Variants in ANXA8L1 observed in about 807,000 individuals in gnomAD.
ANXA8L1 encodes the protein annexin A8-like protein 1.
A neutral mutation model predicts 22.5 loss-of-function variants in ANXA8L1; 10 were observed. That is an observed-to-expected ratio of 0.44 (90% CI 0.27 to 0.75). The LOEUF is 0.75. Ranked by LOEUF, ANXA8L1 falls within the 30% of genes least tolerant of loss-of-function variation. The pLI is 0.15. For synonymous variants in ANXA8L1, 36 were observed against 86.0 expected (o/e 0.42, Z 3.22); for missense variants, 88 against 219.6 (o/e 0.40, Z 3.79).
rs1282507414 is a variant in ANXA8L1, at chr10:46,390,014, G to GA, written c.925-854dup. Among the ~76,000 whole-genome samples the GA allele has an allele frequency of 1.2e-4, 18 of 151,176 alleles. 1 individual carries two copies. Among genetic ancestry groups the GA allele is most frequent in the African/African-American group, 4.4e-4 (18 of 40,832 alleles). On this transcript the variant is annotated intron_variant, in intron 11 of 11. Transcript: ENST00000619162. Reference sequence around the variant, plus strand: ...GAGACCTAAACTGGTCCAGAGTGTGGAAAGTGGGTCTAGCCCCAGTCTACC... The same window carrying GA: ...GAGACCTAAACTGGTCCAGAGTGTGGAAAAGTGGGTCTAGCCCCAGTCTACC...
chr10:46,389,831 A>G (rs1402039297), intron 11 of ANXA8L1, among the ~76,000 whole-genome samples: 1 of 151,552 alleles, frequency 6.6e-6, no homozygotes, highest in Non-Finnish European at 1.5e-5. Context: ...GCCGTGAGCT[A>G]GGACTGCATC....
At position 46,381,384 on chromosome 10, in the gene ANXA8L1, A is replaced by C. The variant is rs1588895602; in HGVS notation, c.207+144A>C. 11 of 996,918 alleles carry C rather than the reference A, an allele frequency of 1.1e-5. 1 individual carries two copies. In the East Asian group the frequency reaches 2.7e-4, roughly 24 times the overall value. The allele number at this position is 996,918 out of a possible 1,614,324, so 61.8% of individuals were successfully genotyped here. A position where few individuals can be genotyped will look rare whatever the true frequency, so the allele number is the denominator to read the frequency against. The stretch of plus-strand genomic sequence containing the variant: ...ACATGGAACCTGTTTGCATGAAAAC[A>C]ATTGTTCTTTATTGAAATTCAAATG... On this transcript the variant is annotated intron_variant, in intron 3 of 11. Transcript: ENST00000619162.
Position 46,385,407 on chromosome 10 carries a change from C to T in ANXA8L1, c.580C>T (p.Arg194Cys), listed in dbSNP as rs1840025056. Residue 194 changes from arginine (R) to cysteine (C), a missense_variant, in exon 8 of 12, where the codon CGT becomes TGT. Transcript: ENST00000619162. Reference protein sequence around the residue: ...QDLYAAGEKIRGTDEMKFITI... With the variant: ...QDLYAAGEKICGTDEMKFITI... ...TCTGTATGCGGCAGGCGAGAAGATT[C>T]GTGGGACTGATGAGATGAAATTCAT... is the stretch of plus-strand genomic sequence containing the variant. 1.5e-5 allele frequency: 17 copies of T among 1,111,628 alleles called. 2 individuals carry two copies. The highest frequency in any genetic ancestry group is 3.0e-4 in the Middle Eastern group (1 of 3,374). 68.9% of individuals were successfully genotyped at this position (1,111,628 alleles called of 1,614,324 possible).
At chr10:46,389,341 C>T (rs1470179987) in intron 11 of ANXA8L1, among the ~76,000 whole-genome samples, 3 of 124,558 alleles carry the variant, frequency 2.4e-5, no homozygotes, top group African/African-American at 9.8e-5. Flanking sequence ...GAGGGCAAGG[C>T]ACACACCAGC....
chr10:46,376,300 G>A (rs1839928419), intron 1 of ANXA8L1, among the ~76,000 whole-genome samples: 3 of 146,134 alleles, frequency 2.1e-5, no homozygotes, highest in African/African-American at 5.1e-5. Context: ...AGGGTCAGAG[G>A]GCGGGGAGCT....
intron 1 of ANXA8L1, among the ~76,000 whole-genome samples, chr10:46,377,784 G>C (rs1271984265): frequency 8.4e-5 from 10 of 118,746 alleles, no homozygotes; most frequent in African/African-American, 2.8e-4. Flanking sequence ...CATCTCCCAG[G>C]CCTCTGGGCA....
intron 2 of ANXA8L1, 59 bp from the exon 3 acceptor site, chr10:46,381,087 C>G: frequency 2.2e-6 from 1 of 450,734 alleles, no homozygotes. Context: ...TCCCCTCCTC[C>G]GCCCTCACCA....
Position 46,385,818 on chromosome 10 carries a change from A to G in ANXA8L1, c.742+11A>G. 3.4e-6 allele frequency: 1 copy of G among 293,688 alleles called. No individual in the cohort carries two copies. The highest frequency in any genetic ancestry group is 1.3e-4 in the African/African-American group (1 of 7,946). The allele number at this position is 293,688 out of a possible 1,614,324, so 18.2% of individuals were successfully genotyped here. A position where few individuals can be genotyped will look rare whatever the true frequency, so the allele number is the denominator to read the frequency against. On this transcript the variant is annotated intron_variant, in intron 9 of 11. Transcript: ENST00000619162. ...CCATGCTCACTGTGGGTAAGAGCTC[A>G]GACTTGCACGTTTTTCAGGCCACAG...
In ANXA8L1 at chr10:46,383,546, G is replaced by A; in HGVS notation, c.412G>A (p.Asp138Asn). ...LREIMKAYEEDYGSSLEEDIQ... is the reference protein window; with the variant it reads ...LREIMKAYEENYGSSLEEDIQ... ...GGAGATAATGAAGGCGTATGAGGAA[G>A]GTAAGGGGTGGCACAGATGGAGGGG... The change falls in exon 5 of 12, where the codon GAC becomes AAC. Residue 138 changes from aspartate to asparagine, a missense_variant and splice_region_variant. Physicochemically the swap from Asp to Asn is conservative, Grantham distance 23 (BLOSUM62 1). Coordinates refer to ENST00000619162, the MANE Select transcript of ANXA8L1 (RefSeq NM_001098845.3). 1 of 731,842 alleles carries A rather than the reference G, an allele frequency of 1.4e-6. No individual in the cohort carries two copies. Among genetic ancestry groups the A allele is most frequent in the East Asian group, 2.9e-5 (1 of 34,820 alleles). The allele number at this position is 731,842 out of a possible 1,614,324, so 45.3% of individuals were successfully genotyped here.
At chr10:46,377,560 G>T (rs1839943672) in intron 1 of ANXA8L1, among the ~76,000 whole-genome samples, 2 of 119,244 alleles carry the variant, frequency 1.7e-5, no homozygotes, top group Non-Finnish European at 3.5e-5. Flanking sequence ...CCATGTGAGA[G>T]CTGGCTCGGG....
chr10:46,381,336 G>T lies in ANXA8L1; in HGVS notation c.207+96G>T, dbSNP rs1839981142. 6 of 903,342 alleles carry T rather than the reference G, an allele frequency of 6.6e-6. 1 individual carries two copies. The highest frequency in any genetic ancestry group is 9.4e-6 in the Non-Finnish European group (6 of 639,888). 56.0% of individuals were successfully genotyped at this position (903,342 alleles called of 1,614,324 possible). On this transcript the variant is annotated intron_variant, in intron 3 of 11. Coordinates refer to ENST00000619162, the MANE Select transcript of ANXA8L1 (RefSeq NM_001098845.3). ...CCATTCTGGACGACTTTCCCCTAGAGCCAGCCCACTGGTAGCATGGGCACA... is the reference window on the plus strand; with the variant it reads ...CCATTCTGGACGACTTTCCCCTAGATCCAGCCCACTGGTAGCATGGGCACA...
intron 11 of ANXA8L1, among the ~76,000 whole-genome samples, chr10:46,389,589 AAT>A (rs1416796053): frequency 2.0e-5 from 3 of 151,298 alleles, no homozygotes; most frequent in Admixed American, 6.6e-5. Context: ...TTTCAACACT[AAT>A]ATGAGTTAAA....
chr10:46,390,499 G>A lies in ANXA8L1; in HGVS notation c.925-372G>A, dbSNP rs553887374. Among the ~76,000 whole-genome samples the A allele has an allele frequency of 7.3e-4, 104 of 141,630 alleles. 3 individuals carry two copies. The South Asian group carries it at 0.016, about 22-fold the overall frequency. The allele number at this position is 141,630 out of a possible 152,430, so 92.9% of individuals were successfully genotyped here. A position where few individuals can be genotyped will look rare whatever the true frequency, so the allele number is the denominator to read the frequency against. ...CCTCACTCTCAGCCTTGATTCCCAA[G>A]CTGCCACAGCAGGTGTTGAATAATG... On this transcript the variant is annotated intron_variant, in intron 11 of 11. Transcript: ENST00000619162.
chr10:46,390,981 C>T lies in ANXA8L1; in HGVS notation c.*51C>T. Reference sequence around the variant, plus strand: ...CATGAAGCCAGAGTCTCCAGGACTCCTCACTCAACCTCGGCCATGGACGCA... The same window carrying T: ...CATGAAGCCAGAGTCTCCAGGACTCTTCACTCAACCTCGGCCATGGACGCA... On this transcript the variant is annotated 3_prime_UTR_variant, in exon 12 of 12. Transcript: ENST00000619162. 1 of 1,238,116 alleles carries T rather than the reference C, an allele frequency of 8.1e-7. No homozygotes were observed. Among genetic ancestry groups the T allele is most frequent in the Non-Finnish European group, 1.1e-6 (1 of 893,126 alleles). 76.7% of individuals were successfully genotyped at this position (1,238,116 alleles called of 1,614,324 possible). A position where few individuals can be genotyped will look rare whatever the true frequency, so the allele number is the denominator to read the frequency against.
chr10:46,389,959 A>G (rs1840059676), intron 11 of ANXA8L1, among the ~76,000 whole-genome samples: 1 of 151,620 alleles, frequency 6.6e-6, no homozygotes. Flanking sequence ...GGCAAATTTT[A>G]CTAAATGGTG....
intron 1 of ANXA8L1, among the ~76,000 whole-genome samples, chr10:46,376,628 C>G: frequency 6.9e-6 from 1 of 145,950 alleles, no homozygotes; most frequent in Non-Finnish European, 1.5e-5. Flanking sequence ...GCAGCCCATG[C>G]CCAGCAGAAC....
intron 1 of ANXA8L1, among the ~76,000 whole-genome samples, chr10:46,378,617 T>TC (rs2133008017): frequency 2.5e-5 from 2 of 79,728 alleles, no homozygotes; most frequent in Admixed American, 2.9e-4. Context: ...AAGCAAGGGA[T>TC]ATCGTGTGTG....
intron 1 of ANXA8L1, 27 bp downstream of exon 1, chr10:46,375,899 C>G (rs1330496163): frequency 0.21 from 246,023 of 1,171,608 alleles, 74,239 homozygotes; most frequent in Admixed American, 0.41. Flanking sequence ...AGGAGATTTG[C>G]GTTCCTGCAT....
At chr10:46,390,195 A>G (rs1232227374) in intron 11 of ANXA8L1, among the ~76,000 whole-genome samples, 3 of 150,884 alleles carry the variant, frequency 2.0e-5, no homozygotes, top group African/African-American at 7.4e-5. Flanking sequence ...ACCTACCAGT[A>G]TCTAAGAAAC....
Sources: gnomAD v4.1 joint callset for allele counts (sites outside exome capture counted in the v4.1 genomes callset) on GRCh38, gnomAD v4.1.1 for gene constraint, MANE v1.5 for transcripts, NCBI Gene and HGNC (gene_info 2026-07-23, HGNC 2026-07-21) for gene names.